AQP1: variants seen among roughly 807,000 people sequenced by gnomAD.
The protein encoded by AQP1 is aquaporin 1 (Colton blood group), also known as aquaporin-1.
In AQP1, 11 loss-of-function variants were observed where a neutral mutation model predicts 19.7. That is an observed-to-expected ratio of 0.56 (90% CI 0.35 to 0.92). The LOEUF is 0.92. Among genes scored for constraint, AQP1 ranks in the 40% least tolerant of loss-of-function variants. The probability of loss-of-function intolerance (pLI) is 0.01; values close to 1 mark genes in which losing one functional copy is unlikely to be tolerated. For missense variants in AQP1, 320 were observed against 369.7 expected, an observed-to-expected ratio of 0.87 and a Z score of 1.10; for synonymous variants, 159 against 166.7, an observed-to-expected ratio of 0.95 and a Z score of 0.36.
Position 30,923,777 on chromosome 7 carries a change from T to C in AQP1, c.*148T>C. The C allele has an allele frequency of 1.3e-6, 2 of 1,511,090 alleles. No homozygotes were observed. Among genetic ancestry groups the C allele is most frequent in the Non-Finnish European group, 1.8e-6 (2 of 1,127,346 alleles). The allele number at this position is 1,511,090 out of a possible 1,614,324, so 93.6% of individuals were successfully genotyped here. Reference sequence around the variant, plus strand: ...GCCAGACCTGCATGGTCAAGCCTCTTATGGGGGTGTTTCTATCTCTTTCTT... The same window carrying C: ...GCCAGACCTGCATGGTCAAGCCTCTCATGGGGGTGTTTCTATCTCTTTCTT... On this transcript the variant is annotated 3_prime_UTR_variant, in exon 4 of 4. Transcript: ENST00000311813. This position sits in a 1 kb window ranked among gnomAD's most constrained non-coding sequence, Gnocchi z 4.8.
At chr7:30,921,817 A>T (rs907832306) in intron 1 of AQP1, 1 of 1,550,308 alleles carries the variant, frequency 6.5e-7, no homozygotes, top group Non-Finnish European at 8.7e-7. Flanking sequence ...TTCTAGGCAG[A>T]GTGGGGCCTG....
At chr7:30,915,992 G>A (rs964261807) in intron 1 of AQP1, among the ~76,000 whole-genome samples, 3 of 152,132 alleles carry the variant, frequency 2.0e-5, no homozygotes, top group Admixed American at 2.0e-4. Flanking sequence ...TACTGTTTCC[G>A]CCAGCCCCAG....
At chr7:30,921,471 C>A (rs575352844) in intron 1 of AQP1, 2 of 1,469,388 alleles carry the variant, frequency 1.4e-6, no homozygotes, top group East Asian at 5.0e-5. Context: ...AGGAAAGAGA[C>A]GGGGTGGAGA....
chr7:30,922,525 C>G (rs1462565715), intron 2 of AQP1, 39 bp from the exon 3 acceptor site: 3 of 1,575,734 alleles, frequency 1.9e-6, no homozygotes, highest in South Asian at 2.2e-5. Flanking sequence ...ACCTATGACT[C>G]TCTGCCTTCG....
At chr7:30,921,779 G>A (rs1348579575) in intron 1 of AQP1, 2 of 1,550,642 alleles carry the variant, frequency 1.3e-6, no homozygotes, top group East Asian at 4.9e-5. Flanking sequence ...GGATGCAAAG[G>A]CCCCAGCTCA....
In AQP1 at chr7:30,912,642, C is replaced by G. The variant is rs1791196996; in HGVS notation, c.384+349C>G. ...CTCAGTCCTGCCTGTGCCGCCAGCT[C>G]CCTCCTCCTGCAGCCCTGCACCCTG... On this transcript the variant is annotated intron_variant, in intron 1 of 3. Coordinates refer to ENST00000311813, the MANE Select transcript of AQP1 (RefSeq NM_198098.4). The surrounding 1 kb of genome is among the most constrained non-coding windows in gnomAD (Gnocchi z 4.3). Among the ~76,000 whole-genome samples the G allele has an allele frequency of 6.6e-6, 1 of 152,186 alleles. No homozygotes were observed. Among genetic ancestry groups the G allele is most frequent in the African/African-American group, 2.4e-5 (1 of 41,446 alleles).
intron 1 of AQP1, among the ~76,000 whole-genome samples, chr7:30,918,095 T>C (rs1458630954): frequency 6.6e-6 from 1 of 151,956 alleles, no homozygotes; most frequent in Non-Finnish European, 1.5e-5. Flanking sequence ...CCCGGGTTTA[T>C]GCCATTCTCC....
rs536285394 is a variant in AQP1, at chr7:30,924,384, G to A, written c.*755G>A. The A allele has an allele frequency of 1.4e-4, 22 of 159,446 alleles. No individual in the cohort carries two copies. The highest frequency in any genetic ancestry group is 4.2e-4 in the Admixed American group (7 of 16,730). 9.9% of individuals were successfully genotyped at this position (159,446 alleles called of 1,614,324 possible). On this transcript the variant is annotated 3_prime_UTR_variant, in exon 4 of 4. Coordinates refer to ENST00000311813, the MANE Select transcript of AQP1 (RefSeq NM_198098.4). ...TCGCCACACGCCTCTGTGTACATGT[G>A]TGCAGAGCAGACAGGCTACAAAGCA...
At chr7:30,922,456 C>A in intron 2 of AQP1, 108 bp from the exon 3 acceptor site, 1 of 1,327,200 alleles carries the variant, frequency 7.5e-7, no homozygotes. Context: ...GTCTCATTGT[C>A]CCCCACCCTG....
chr7:30,919,598 C>A (rs1368913758), intron 1 of AQP1, among the ~76,000 whole-genome samples: 2 of 148,466 alleles, frequency 1.3e-5, no homozygotes, highest in Admixed American at 6.7e-5. Flanking sequence ...CTGGGCCAGG[C>A]AAAACTACCT....
At chr7:30,922,276 G>A (rs1455087700) in intron 2 of AQP1, 46 bp downstream of exon 2, 1 of 1,537,200 alleles carries the variant, frequency 6.5e-7, no homozygotes, top group Non-Finnish European at 8.7e-7. Context: ...AGGGAGGGCG[G>A]GGGCTGGTGG....
At position 30,924,609 on chromosome 7, in the gene AQP1, A is replaced by C. The variant is rs1383473761; in HGVS notation, c.*980A>C. On this transcript the variant is annotated 3_prime_UTR_variant, in exon 4 of 4. Coordinates refer to ENST00000311813, the MANE Select transcript of AQP1 (RefSeq NM_198098.4). ...CTTCAGTTCTCTACTCCCTCTTGTC[A>C]GTGTAGACACAGGTCACCATTATGC... The C allele has an allele frequency of 1.3e-5, 2 of 152,336 alleles. No homozygotes were observed. Among genetic ancestry groups the C allele is most frequent in the African/African-American group, 4.8e-5 (2 of 41,464 alleles). 9.4% of individuals were successfully genotyped at this position (152,336 alleles called of 1,614,324 possible).
chr7:30,920,575 C>T (rs529265211), intron 1 of AQP1, among the ~76,000 whole-genome samples: 3 of 152,364 alleles, frequency 2.0e-5, no homozygotes, highest in South Asian at 4.1e-4. Context: ...GCCCCTTTGG[C>T]CTTTGAACCT....
chr7:30,916,889 G>A (rs569215204), intron 1 of AQP1, among the ~76,000 whole-genome samples: 1 of 152,204 alleles, frequency 6.6e-6, no homozygotes, highest in Admixed American at 6.5e-5. Context: ...GCTGCTTTGG[G>A]GGTGCTAGTC....
At chr7:30,921,494 G>A (rs1425039817) in intron 1 of AQP1, 7 of 1,487,676 alleles carry the variant, frequency 4.7e-6, no homozygotes, top group African/African-American at 1.4e-5. Context: ...GAGAGAGAGA[G>A]GGTGGAGACA....
At position 30,923,892 on chromosome 7, in the gene AQP1, A is replaced by C; in HGVS notation, c.*263A>C. The C allele has an allele frequency of 6.7e-7, 1 of 1,482,462 alleles. No individual in the cohort carries two copies. The highest frequency in any genetic ancestry group is 1.2e-5 in the South Asian group (1 of 86,604). The allele number at this position is 1,482,462 out of a possible 1,614,324, so 91.8% of individuals were successfully genotyped here. On this transcript the variant is annotated 3_prime_UTR_variant, in exon 4 of 4. Transcript: ENST00000311813. This position sits in a 1 kb window ranked among gnomAD's most constrained non-coding sequence, Gnocchi z 4.8. ...TTGAAGTTGTGGAGGAGGTGAAAGA[A>C]AGGGACCCACCTGCTAGTCGCCCCT...
chr7:30,920,276 G>A (rs540007956), intron 1 of AQP1, among the ~76,000 whole-genome samples: 1 of 152,292 alleles, frequency 6.6e-6, no homozygotes, highest in South Asian at 2.1e-4. Flanking sequence ...GCAGAAGAGA[G>A]AGGAATAGAA....
chr7:30,919,556 C>CTTTTTTTTTTTTT (rs138132377), intron 1 of AQP1, among the ~76,000 whole-genome samples: 1 of 138,658 alleles, frequency 7.2e-6, no homozygotes, highest in Non-Finnish European at 1.6e-5. Flanking sequence ...CTGATTCTTA[C>CTTTTTTTTTTTTT]TTTTTTTTTT....
Position 30,912,682 on chromosome 7 carries a change from G to A in AQP1, c.384+389G>A, listed in dbSNP as rs577217533. 1.2e-4 allele frequency among the ~76,000 whole-genome samples: 18 copies of A among 152,272 alleles called. No individual in the cohort carries two copies. Among genetic ancestry groups the A allele is most frequent in the African/African-American group, 1.4e-4 (6 of 41,576 alleles). On this transcript the variant is annotated intron_variant, in intron 1 of 3. Coordinates refer to ENST00000311813, the MANE Select transcript of AQP1 (RefSeq NM_198098.4). The surrounding 1 kb of genome is among the most constrained non-coding windows in gnomAD (Gnocchi z 4.3). ...CCTGCACCCTGGGGAAACTTTGCCC[G>A]CTGTCCCCAGCCACCCTGAACCAAA...
Sources: gnomAD v4.1 joint callset for allele counts (sites outside exome capture counted in the v4.1 genomes callset) on GRCh38, gnomAD v4.1.1 for gene constraint, Gnocchi (gnomAD v3.1) non-coding constraint, MANE v1.5 for transcripts, NCBI Gene and HGNC (gene_info 2026-07-23, HGNC 2026-07-21) for gene names.